SH3PXD2A: variants seen among roughly 807,000 people sequenced by gnomAD.
SH3PXD2A encodes the protein SH3 and PX domains 2A.
A neutral mutation model predicts 115.2 loss-of-function variants in SH3PXD2A; 32 were observed. The ratio of observed to expected loss-of-function variants is 0.28; its 90% CI spans 0.21 to 0.37. The LOEUF is 0.37. SH3PXD2A is among the 10% of genes least tolerant of loss of function. The pLI is 1.00. For synonymous variants in SH3PXD2A, 610 were observed against 629.1 expected (o/e 0.97, Z 0.45); for missense variants, 1,328 against 1,498.7 (o/e 0.89, Z 1.88).
At chr10:103,702,596 C>CGCGTGTGTGTGTGTGTGTGTGTGT (rs1554913264) in intron 5 of SH3PXD2A, among the ~76,000 whole-genome samples, 1 of 147,448 alleles carries the variant, frequency 6.8e-6, no homozygotes, top group Non-Finnish European at 1.5e-5. Context: ...TGTGTGTGTG[C>CGCGTGTGTGTGTGTGTGTGTGTGT]GTGTGTGTGT....
At chr10:103,761,747 T>C (rs891085363) in intron 3 of SH3PXD2A, among the ~76,000 whole-genome samples, 6 of 152,096 alleles carry the variant, frequency 3.9e-5, no homozygotes, top group African/African-American at 1.2e-4. Context: ...ACTTCTCAGA[T>C]CCCTAACCTG....
chr10:103,726,309 C>T (rs1318226887), intron 4 of SH3PXD2A, among the ~76,000 whole-genome samples: 1 of 152,156 alleles, frequency 6.6e-6, no homozygotes, highest in Non-Finnish European at 1.5e-5. Flanking sequence ...GCTCCTGGGC[C>T]AAGTACAGTA....
chr10:103,809,984 CG>C (rs2039250646), intron 1 of SH3PXD2A, among the ~76,000 whole-genome samples: 1 of 152,146 alleles, frequency 6.6e-6, no homozygotes, highest in Non-Finnish European at 1.5e-5. Context: ...CCACCTCATC[CG>C]GCCCCACTAT....
In SH3PXD2A at chr10:103,603,475, T is replaced by C. The variant is rs147168273; in HGVS notation, c.1743A>G (p.Ser581=). 2 of 1,611,552 alleles carry C rather than the reference T, an allele frequency of 1.2e-6. No individual in the cohort carries two copies. The highest frequency in any genetic ancestry group is 1.7e-6 in the Non-Finnish European group (2 of 1,178,838). Residue 581 remains serine (S), a synonymous_variant, in exon 15 of 15, where the codon TCA becomes TCG. Transcript: ENST00000369774. Reference sequence around the variant, plus strand: ...GGGGCTGGGCAGGCCGCCTCTCCCCTGAGGCTCTGTCCTCCACGGGCTCCT... The same window carrying C: ...GGGGCTGGGCAGGCCGCCTCTCCCCCGAGGCTCTGTCCTCCACGGGCTCCT... ...LSEEPVEDRA[S]GERRPAQPHR...
At chr10:103,838,459 A>G (rs1441676960) in intron 1 of SH3PXD2A, among the ~76,000 whole-genome samples, 2 of 152,204 alleles carry the variant, frequency 1.3e-5, no homozygotes, top group African/African-American at 4.8e-5. Context: ...ACAGCAATAA[A>G]TGGCACAGCT....
At chr10:103,707,222 A>G (rs1342064744) in intron 5 of SH3PXD2A, among the ~76,000 whole-genome samples, 1 of 148,548 alleles carries the variant, frequency 6.7e-6, no homozygotes, top group Non-Finnish European at 1.5e-5. Context: ...TTTGAGATGG[A>G]GTCTAGCTCT....
chr10:103,606,548 G>A (rs1267766680), intron 13 of SH3PXD2A, among the ~76,000 whole-genome samples: 1 of 140,164 alleles, frequency 7.1e-6, no homozygotes, highest in Non-Finnish European at 1.5e-5. Flanking sequence ...ATGCCGAGCC[G>A]AAGCTGGACT....
At chr10:103,641,581 C>G (rs932848850) in intron 8 of SH3PXD2A, among the ~76,000 whole-genome samples, 7 of 151,740 alleles carry the variant, frequency 4.6e-5, no homozygotes, top group Non-Finnish European at 8.8e-5. Context: ...AATGCCTGCT[C>G]TATTAGTGCC....
intron 8 of SH3PXD2A, among the ~76,000 whole-genome samples, chr10:103,659,168 C>T (rs1049030411): frequency 2.6e-5 from 4 of 152,190 alleles, no homozygotes; most frequent in East Asian, 1.9e-4. Context: ...GGGGAGAGGG[C>T]GCACATGCCC....
intron 2 of SH3PXD2A, among the ~76,000 whole-genome samples, chr10:103,769,453 T>C (rs34728186): frequency 6.7e-6 from 1 of 149,154 alleles, no homozygotes; most frequent in Admixed American, 6.6e-5. Flanking sequence ...CTTCTTCTTT[T>C]TTTTTTTTTT....
intron 1 of SH3PXD2A, among the ~76,000 whole-genome samples, chr10:103,804,815 G>C (rs980231456): frequency 6.6e-6 from 1 of 152,062 alleles, no homozygotes; most frequent in Non-Finnish European, 1.5e-5. Context: ...CTGACGGTGA[G>C]GACCCCCTCA....
rs2036134955 is a variant in SH3PXD2A, at chr10:103,596,578, T to TC, written c.*5237dup. 6.6e-6 allele frequency: 1 copy of TC among 152,402 alleles called. No homozygotes were observed. Among genetic ancestry groups the TC allele is most frequent in the Non-Finnish European group, 1.5e-5 (1 of 68,020 alleles). 9.4% of individuals were successfully genotyped at this position (152,402 alleles called of 1,614,324 possible). On this transcript the variant is annotated 3_prime_UTR_variant, in exon 15 of 15. Coordinates refer to ENST00000369774, the MANE Select transcript of SH3PXD2A (RefSeq NM_001394015.1). ...AGACAGCTTGCCTGGTATTTTTTTTTCTCTAACCCCATGTTATTTAGTTCA... is the reference window on the plus strand; with the variant it reads ...AGACAGCTTGCCTGGTATTTTTTTTTCCTCTAACCCCATGTTATTTAGTTCA...
chr10:103,762,910 C>T (rs1165112220), intron 3 of SH3PXD2A, among the ~76,000 whole-genome samples: 3 of 151,718 alleles, frequency 2.0e-5, no homozygotes, highest in African/African-American at 7.3e-5. Context: ...TACCCCCAAC[C>T]TCAGCACCAC....
rs59267714 is a variant in SH3PXD2A, at chr10:103,737,617, A to G, written c.230-1809T>C. On this transcript the variant is annotated intron_variant, in intron 3 of 14. Coordinates refer to ENST00000369774, the MANE Select transcript of SH3PXD2A (RefSeq NM_001394015.1). ...GGCTCCAGGAGATGACAGAGAATGT[A>G]CCTGACATGTGGAGGCTGGGGATCT... Among the ~76,000 whole-genome samples, 4 of 152,298 alleles carry G rather than the reference A, an allele frequency of 2.6e-5. No individual in the cohort carries two copies. The South Asian group carries it at 8.3e-4, about 32-fold the overall frequency.
intron 2 of SH3PXD2A, among the ~76,000 whole-genome samples, chr10:103,785,246 A>G (rs2038969530): frequency 6.6e-6 from 1 of 152,148 alleles, no homozygotes; most frequent in African/African-American, 2.4e-5. Flanking sequence ...CTGCTCAGCT[A>G]TTTCTAGCAG....
intron 2 of SH3PXD2A, among the ~76,000 whole-genome samples, chr10:103,798,941 C>T: frequency 6.6e-6 from 1 of 152,200 alleles, no homozygotes; most frequent in East Asian, 1.9e-4. Flanking sequence ...ATCCCTGCAA[C>T]CTGCTAACAC....
At position 103,598,788 on chromosome 10, in the gene SH3PXD2A, C is replaced by T. The variant is rs575872403; in HGVS notation, c.*3028G>A. 107 of 152,780 alleles carry T rather than the reference C, an allele frequency of 7.0e-4. No homozygotes were observed. Among genetic ancestry groups the T allele is most frequent in the African/African-American group, 2.4e-3 (101 of 41,584 alleles). The allele number at this position is 152,780 out of a possible 1,614,324, so 9.5% of individuals were successfully genotyped here. On this transcript the variant is annotated 3_prime_UTR_variant, in exon 15 of 15. Coordinates refer to ENST00000369774, the MANE Select transcript of SH3PXD2A (RefSeq NM_001394015.1). ...GGCTAGGGCTAGGAGGCCAGGCGCACAAGGCCTGGTACCCCCTGGCCATGT... is the reference window on the plus strand; with the variant it reads ...GGCTAGGGCTAGGAGGCCAGGCGCATAAGGCCTGGTACCCCCTGGCCATGT...
chr10:103,682,828 C>T (rs780598690), intron 6 of SH3PXD2A, among the ~76,000 whole-genome samples: 2 of 151,882 alleles, frequency 1.3e-5, no homozygotes, highest in Admixed American at 1.3e-4. Context: ...TCAAAAGACA[C>T]GCTCACTTTT....
Position 103,724,378 on chromosome 10 carries a change from A to G in SH3PXD2A, c.307-17T>C. The stretch of plus-strand genomic sequence containing the variant: ...GACAAGTGCCTGTGGAGAGACAGGA[A>G]GAAAGGGCATTAGGTGTGATGAACT... On this transcript the variant is annotated splice_polypyrimidine_tract_variant and intron_variant, in intron 4 of 14. Coordinates refer to ENST00000369774, the MANE Select transcript of SH3PXD2A (RefSeq NM_001394015.1). The G allele has an allele frequency of 6.7e-7, 1 of 1,499,906 alleles. No individual in the cohort carries two copies. Among genetic ancestry groups the G allele is most frequent in the African/African-American group, 1.4e-5 (1 of 70,766 alleles). 92.9% of individuals were successfully genotyped at this position (1,499,906 alleles called of 1,614,324 possible).
Sources: allele counts gnomAD v4.1 joint callset (sites outside exome capture counted in the v4.1 genomes callset), GRCh38; gene constraint gnomAD v4.1.1; transcripts MANE v1.5; gene names NCBI Gene and HGNC (gene_info 2026-07-23, HGNC 2026-07-21).